MTA3: variants seen among roughly 807,000 people sequenced by gnomAD.
MTA3 encodes the protein metastasis-associated protein MTA3.
In MTA3, 34 loss-of-function variants were observed where a neutral mutation model predicts 83.5. The ratio of observed to expected loss-of-function variants is 0.41; its 90% confidence interval spans 0.31 to 0.54. The LOEUF is 0.54. Ranked by LOEUF, MTA3 falls within the 20% of genes least tolerant of loss-of-function variation. The pLI is 0.33. For missense variants in MTA3, 761 were observed against 726.4 expected (o/e 1.05, Z -0.55); for synonymous variants, 303 against 252.7 (o/e 1.20, Z -1.89).
At chr2:42,733,050 A>G (rs190370155) in intron 16 of MTA3, among the ~76,000 whole-genome samples, 6 of 152,184 alleles carry the variant, frequency 3.9e-5, no homozygotes, top group African/African-American at 7.2e-5. Flanking sequence ...AACTGTTCCA[A>G]CCTGTGCCTG....
intron 2 of MTA3, among the ~76,000 whole-genome samples, chr2:42,531,021 C>T (rs909141717): frequency 8.5e-5 from 13 of 152,152 alleles, no homozygotes; most frequent in African/African-American, 3.1e-4. Flanking sequence ...GTAGAGATGG[C>T]GTCTCGCCAT....
intron 6 of MTA3, among the ~76,000 whole-genome samples, chr2:42,645,919 G>C (rs1256372900): frequency 6.6e-6 from 1 of 152,194 alleles, no homozygotes; most frequent in Non-Finnish European, 1.5e-5. Flanking sequence ...CTTTCTATTG[G>C]AAGAAGATGC....
rs529423952 is a variant in MTA3 at position 42,572,015 on chromosome 2, C to T, written c.96+1511C>T. On this transcript the variant is annotated intron_variant, in intron 2 of 16. Coordinates refer to ENST00000405094, the MANE Select transcript of MTA3 (RefSeq NM_001330442.2). ...TAGGCTGGCTGGGCACGGTGGCTCA[C>T]GCCTGTAATCCTAGCACTTTGGGAG... 3.3e-3 allele frequency among the ~76,000 whole-genome samples: 503 copies of T among 151,804 alleles called. 4 individuals carry two copies. The highest frequency in any genetic ancestry group is 0.015 in the South Asian group (72 of 4,794).
chr2:42,530,433 G>A (rs1675908109), intron 2 of MTA3, among the ~76,000 whole-genome samples: 1 of 152,024 alleles, frequency 6.6e-6, no homozygotes, highest in Admixed American at 6.5e-5. Context: ...CTTGCAGTGA[G>A]CCGAGATGGC....
chr2:42,642,307 G>C (rs896916816), intron 5 of MTA3, among the ~76,000 whole-genome samples: 1 of 151,942 alleles, frequency 6.6e-6, no homozygotes, highest in African/African-American at 2.4e-5. Context: ...TTTTATTGGA[G>C]TACCATGCTA....
At chr2:42,601,469 C>T (rs955275950) in intron 3 of MTA3, among the ~76,000 whole-genome samples, 1 of 152,160 alleles carries the variant, frequency 6.6e-6, no homozygotes, top group Non-Finnish European at 1.5e-5. Flanking sequence ...TGAGCACTGC[C>T]TTGTCTGTTT....
At chr2:42,593,366 A>G (rs1464330415) in intron 3 of MTA3, among the ~76,000 whole-genome samples, 1 of 151,960 alleles carries the variant, frequency 6.6e-6, no homozygotes, top group Non-Finnish European at 1.5e-5. Context: ...AAAAAAAAGT[A>G]TAGTATAATA....
intron 2 of MTA3, among the ~76,000 whole-genome samples, chr2:42,506,512 T>C (rs139199716): frequency 0.012 from 1,809 of 152,090 alleles, 18 homozygotes; most frequent in Non-Finnish European, 0.017. Flanking sequence ...TTGGACTTCA[T>C]TTAAGCTTAT....
intron 4 of MTA3, among the ~76,000 whole-genome samples, chr2:42,615,069 T>TCAACTGAGGTCAGGAGTTGAAGGCCAG (rs1684694923): frequency 6.6e-6 from 1 of 151,200 alleles, no homozygotes; most frequent in Admixed American, 6.6e-5. Context: ...GGCAGGTGGA[T>TCAACTGAGGTCAGGAGTTGAAGGCCAG]CAACTGAGGT....
chr2:42,644,157 C>A lies in MTA3; in HGVS notation c.412C>A (p.Pro138Thr). The A allele has an allele frequency of 6.2e-7, 1 of 1,608,866 alleles. No individual in the cohort carries two copies. The highest frequency in any genetic ancestry group is 2.2e-5 in the East Asian group (1 of 44,478). Residue 138 changes from proline to threonine, a missense_variant, in exon 6 of 17, where the codon CCC (proline) becomes ACC (threonine). By Grantham distance (38) the Pro-to-Thr change is conservative. Coordinates refer to ENST00000405094, the MANE Select transcript of MTA3 (RefSeq NM_001330442.2). ...CTTCTTCTACTCATTGGTCTATGAC[C>A]CCTCATTGAAAACACTATTAGCTGA... ...DTFFYSLVYD[P>T]SLKTLLADKG...
intron 2 of MTA3, among the ~76,000 whole-genome samples, chr2:42,537,608 A>G (rs980913760): frequency 2.6e-5 from 4 of 152,124 alleles, no homozygotes; most frequent in African/African-American, 9.7e-5. Context: ...AATAGTATCA[A>G]TGTTAAAGAC....
intron 16 of MTA3, among the ~76,000 whole-genome samples, chr2:42,741,086 G>C (rs561615285): frequency 6.6e-6 from 1 of 152,216 alleles, no homozygotes; most frequent in Non-Finnish European, 1.5e-5. Flanking sequence ...CTACATCAGC[G>C]CTTGCTGCTT....
chr2:42,630,485 G>T (rs1055133476), intron 4 of MTA3, among the ~76,000 whole-genome samples: 5 of 152,188 alleles, frequency 3.3e-5, no homozygotes, highest in Non-Finnish European at 5.9e-5. Context: ...AAGCAATGAG[G>T]TATGTATGTT....
intron 3 of MTA3, among the ~76,000 whole-genome samples, chr2:42,588,017 TC>T (rs1680545939): frequency 6.6e-6 from 1 of 152,070 alleles, no homozygotes; most frequent in African/African-American, 2.4e-5. Context: ...AGGCTCAGAG[TC>T]TTAACATTTT....
chr2:42,524,481 T>TTTTG (rs544956537), intron 2 of MTA3, among the ~76,000 whole-genome samples: 11,048 of 129,880 alleles, frequency 0.085, 378 homozygotes, highest in Non-Finnish European at 0.12. Context: ...TGTTTTTTTT[T>TTTTG]TTTTTTTTTT....
At chr2:42,647,765 C>T (rs1688349656) in intron 6 of MTA3, among the ~76,000 whole-genome samples, 1 of 152,128 alleles carries the variant, frequency 6.6e-6, no homozygotes, top group Non-Finnish European at 1.5e-5. Context: ...TTATTTCAGC[C>T]TGAAGCATTA....
chr2:42,713,198 A>G (rs1336015293), intron 14 of MTA3, among the ~76,000 whole-genome samples: 5 of 152,220 alleles, frequency 3.3e-5, no homozygotes, highest in Non-Finnish European at 7.3e-5. Flanking sequence ...CCAGACTTGA[A>G]TGGGCCACAG....
intron 2 of MTA3, among the ~76,000 whole-genome samples, chr2:42,546,267 TCAAA>T (rs1220561536): frequency 6.6e-6 from 1 of 152,082 alleles, no homozygotes; most frequent in Non-Finnish European, 1.5e-5. Flanking sequence ...GTGGCTCCAC[TCAAA>T]CAAAGGCCCC....
chr2:42,546,318 C>G (rs914742357), intron 2 of MTA3, among the ~76,000 whole-genome samples: 2 of 152,130 alleles, frequency 1.3e-5, no homozygotes, highest in Non-Finnish European at 2.9e-5. Context: ...TGGCCCCACA[C>G]TGAGGAAGAA....
Sources: allele counts gnomAD v4.1 joint callset (sites outside exome capture counted in the v4.1 genomes callset), GRCh38; gene constraint gnomAD v4.1.1; transcripts MANE v1.5; gene names NCBI Gene and HGNC (gene_info 2026-07-23, HGNC 2026-07-21).